Variants in PYROXD2 observed in about 807,000 individuals in gnomAD.
PYROXD2 encodes pyridine nucleotide-disulphide oxidoreductase domain 2.
PYROXD2 carries 69 observed loss-of-function variants against 71.1 expected under a neutral mutation model. The observed-to-expected ratio is 0.97, with a 90% CI of 0.80 to 1.19. PYROXD2 has a LOEUF of 1.19. PYROXD2 is among the 50% of genes most tolerant of loss of function. PYROXD2 has a pLI of 0.00. For missense variants in PYROXD2, 745 were observed against 748.9 expected (o/e 0.99, Z 0.06); for synonymous variants, 287 against 302.7 (o/e 0.95, Z 0.54).
At chr10:98,385,660 C>T (rs1343319575) in intron 14 of PYROXD2, among the ~76,000 whole-genome samples, 2 of 152,234 alleles carry the variant, frequency 1.3e-5, no homozygotes, top group African/African-American at 2.4e-5. Flanking sequence ...TGCTCCCCCA[C>T]TGCCCTCTTC....
chr10:98,395,700 C>A (rs1302539467), intron 6 of PYROXD2, among the ~76,000 whole-genome samples: 1 of 152,132 alleles, frequency 6.6e-6, no homozygotes, highest in Non-Finnish European at 1.5e-5. Flanking sequence ...TATTTTACAC[C>A]CCAAGGGCTA....
chr10:98,393,361 G>A (rs1430423500), intron 8 of PYROXD2, among the ~76,000 whole-genome samples: 1 of 152,172 alleles, frequency 6.6e-6, no homozygotes, highest in Non-Finnish European at 1.5e-5. Context: ...TCCAGCTCCG[G>A]TGTCCAGCTA....
At chr10:98,397,095 G>A (rs554144008) in intron 6 of PYROXD2, among the ~76,000 whole-genome samples, 1 of 152,230 alleles carries the variant, frequency 6.6e-6, no homozygotes, top group East Asian at 1.9e-4. Context: ...CTATTTTTGT[G>A]TCTTGGGGTC....
At chr10:98,400,046 G>A in intron 5 of PYROXD2, 56 bp downstream of exon 5, 2 of 1,585,392 alleles carry the variant, frequency 1.3e-6, no homozygotes, top group Middle Eastern at 2.1e-4. Context: ...ATCCAACCAG[G>A]CCCATCTCTA....
At chr10:98,400,285 A>G (rs749428137) in intron 4 of PYROXD2, 28 bp from the exon 5 acceptor site, 1 of 1,587,182 alleles carries the variant, frequency 6.3e-7, no homozygotes, top group South Asian at 1.1e-5. Flanking sequence ...CATGGGCCAC[A>G]TATTAATGGC....
chr10:98,385,471 G>C (rs1194270027), intron 14 of PYROXD2, among the ~76,000 whole-genome samples: 2 of 152,266 alleles, frequency 1.3e-5, no homozygotes, highest in African/African-American at 2.4e-5. Context: ...CCAAGCTCCA[G>C]CAGGATCACT....
At chr10:98,408,890 T>G (rs1039142895) in intron 2 of PYROXD2, among the ~76,000 whole-genome samples, 1 of 152,222 alleles carries the variant, frequency 6.6e-6, no homozygotes, top group Admixed American at 6.5e-5. Flanking sequence ...GGTACTATGA[T>G]TCTCCCATTT....
At chr10:98,414,018 A>C (rs1843878270) in intron 1 of PYROXD2, 1 of 152,052 alleles carries the variant, frequency 6.6e-6, no homozygotes, top group Non-Finnish European at 1.5e-5. Context: ...AATATTTAAA[A>C]TAAGCATGTG....
chr10:98,390,931 G>T, intron 11 of PYROXD2, 79 bp downstream of exon 11: 1 of 1,372,192 alleles, frequency 7.3e-7, no homozygotes, highest in Non-Finnish European at 1.0e-6. Context: ...TGATGACTGA[G>T]TTCAGCTGCC....
intron 1 of PYROXD2, 22 bp downstream of exon 1, chr10:98,414,987 C>G: frequency 6.2e-7 from 1 of 1,611,058 alleles, no homozygotes; most frequent in Non-Finnish European, 8.5e-7. Context: ...CAGCTCTGGC[C>G]CGGCCTGCTT....
At chr10:98,396,579 T>C (rs563992501) in intron 6 of PYROXD2, among the ~76,000 whole-genome samples, 4 of 152,286 alleles carry the variant, frequency 2.6e-5, no homozygotes, top group Middle Eastern at 3.4e-3. Flanking sequence ...TGGCAGACAT[T>C]ACTAATTGAT....
At chr10:98,387,134 G>T in intron 14 of PYROXD2, 67 bp downstream of exon 14, 1 of 1,203,736 alleles carries the variant, frequency 8.3e-7, no homozygotes, top group Non-Finnish European at 1.2e-6. Flanking sequence ...AAGCAGAGAG[G>T]TCATAGCCAG....
Position 98,400,132 on chromosome 10 carries a change from C to G in PYROXD2, c.441G>C (p.Gln147His). Residue 147 changes from glutamine (Q) to histidine (H), a missense_variant, in exon 5 of 16, where the codon CAG becomes CAC. Transcript: ENST00000370575. ...LGTDMAENQK[Q>H]IAQFSQKDAQ... ...CATCCTTCTGGGAGAACTGGGCGATCTGCTTCTGGTTTTCTGCCATGTCTG... is the reference window on the plus strand; with the variant it reads ...CATCCTTCTGGGAGAACTGGGCGATGTGCTTCTGGTTTTCTGCCATGTCTG... The G allele has an allele frequency of 6.2e-7, 1 of 1,613,872 alleles. No individual in the cohort carries two copies. Among genetic ancestry groups the G allele is most frequent in the South Asian group, 1.1e-5 (1 of 90,960 alleles).
At chr10:98,414,036 G>GTA (rs1337658771) in intron 1 of PYROXD2, 1 of 151,614 alleles carries the variant, frequency 6.6e-6, no homozygotes, top group African/African-American at 2.4e-5. Context: ...GTGTATATGT[G>GTA]TATATATATG....
chr10:98,390,736 G>A lies in PYROXD2; in HGVS notation c.1154C>T (p.Pro385Leu). The change falls in exon 12 of 16, where the codon CCC becomes CTC. Residue 385 changes from proline (P) to leucine (L), a missense_variant. Pro to Leu is a moderately conservative substitution (Grantham distance 98). Transcript: ENST00000370575. Reference protein sequence around the residue: ...TKINVAVDRLPSFLAAPNAPR... With the variant: ...TKINVAVDRLLSFLAAPNAPR... ...AGCATTGGGGGCCGCCAGGAAGCTGGGCAGCCTGTCTACGGCCACTGAGGG... is the reference window on the plus strand; with the variant it reads ...AGCATTGGGGGCCGCCAGGAAGCTGAGCAGCCTGTCTACGGCCACTGAGGG... The A allele has an allele frequency of 6.2e-7, 1 of 1,602,992 alleles. No individual in the cohort carries two copies. The highest frequency in any genetic ancestry group is 8.5e-7 in the Non-Finnish European group (1 of 1,174,566).
At position 98,397,507 on chromosome 10, in the gene PYROXD2, G is replaced by A. The variant is rs755564636; in HGVS notation, c.472-9C>T. ...TCATATTTGGGAAAGACCTGGAACAGAGCTCTGCATTAAGGCCCCACTGTC... is the reference window on the plus strand; with the variant it reads ...TCATATTTGGGAAAGACCTGGAACAAAGCTCTGCATTAAGGCCCCACTGTC... On this transcript the variant is annotated splice_polypyrimidine_tract_variant and intron_variant, in intron 5 of 15. Coordinates refer to ENST00000370575, the MANE Select transcript of PYROXD2 (RefSeq NM_032709.3). 7 of 1,588,254 alleles carry A rather than the reference G, an allele frequency of 4.4e-6. No homozygotes were observed. In the Middle Eastern group the frequency reaches 6.7e-4, roughly 152 times the overall value.
In PYROXD2 at chr10:98,391,033, C is replaced by G. The variant is rs769183442; in HGVS notation, c.1112G>C (p.Arg371Pro). ...FLERISQLDT[R>P]SPVTKINVAV... ...ACCATTGATCTTGGTGACAGGCGAC[C>G]GGGTGTCCAGCTGAGAGATTCTCTC... Residue 371 changes from arginine (R) to proline (P), a missense_variant, in exon 11 of 16, where the codon CGG becomes CCG. Transcript: ENST00000370575. 4.3e-6 allele frequency: 7 copies of G among 1,613,196 alleles called. No homozygotes were observed. In the South Asian group the frequency reaches 6.6e-5, roughly 15 times the overall value.
At chr10:98,397,137 C>T (rs1313796024) in intron 6 of PYROXD2, among the ~76,000 whole-genome samples, 1 of 152,206 alleles carries the variant, frequency 6.6e-6, no homozygotes, top group South Asian at 2.1e-4. Context: ...ACGCATAAGC[C>T]TTGGTCTCAG....
intron 2 of PYROXD2, among the ~76,000 whole-genome samples, chr10:98,409,341 G>A (rs559776931): frequency 6.6e-6 from 1 of 152,276 alleles, no homozygotes; most frequent in African/African-American, 2.4e-5. Flanking sequence ...CCAGTTGCAG[G>A]GCTGTCCCTC....
Sources: gnomAD v4.1 joint callset for allele counts (sites outside exome capture counted in the v4.1 genomes callset) on GRCh38, gnomAD v4.1.1 for gene constraint, MANE v1.5 for transcripts, NCBI Gene and HGNC (gene_info 2026-07-23, HGNC 2026-07-21) for gene names.